TRH: variants seen among roughly 807,000 people sequenced by gnomAD.
TRH encodes TSH-releasing factor.
Under a neutral mutation model 5.2 loss-of-function variants are expected in TRH, and 5 were observed. The observed-to-expected ratio is 0.95, with a 90% CI of 0.50 to 2.00. The LOEUF (loss-of-function observed/expected upper bound fraction) is 2.00. Ranked by LOEUF, TRH falls within the 30% of genes most tolerant of loss-of-function variation. TRH has a pLI of 0.01. For missense variants in TRH, 318 were observed against 312.8 expected (o/e 1.02, Z -0.13); for synonymous variants, 131 against 128.6 (o/e 1.02, Z -0.13).
In TRH at chr3:129,976,863, T is replaced by G. The variant is rs1577288921; in HGVS notation, c.376T>G (p.Ser126Ala). Residue 126 changes from serine to alanine, a missense_variant, in exon 3 of 3, where the codon TCA (serine) becomes GCA (alanine). Physicochemically the swap from Ser to Ala is moderately conservative, Grantham distance 99. Coordinates refer to ENST00000302649, the MANE Select transcript of TRH (RefSeq NM_007117.5). The stretch of plus-strand genomic sequence containing the variant: ...CCGACGAGAAGATGAGGCTTCATGG[T>G]CAGTCGATGTAACCCAGCACAAGCG... Reference protein sequence around the residue: ...PGRREDEASWSVDVTQHKRQH... With the variant: ...PGRREDEASWAVDVTQHKRQH... 6.2e-7 allele frequency: 1 copy of G among 1,611,646 alleles called. No individual in the cohort carries two copies.
rs1028735708 is a variant in TRH at position 129,976,715 on chromosome 3, A to G, written c.228A>G (p.Gln76=). ...QGEHSASQIF[Q]SDWLSKRQHP... ...CTTCCCCAGCGTCCCAGATCTTTCA[A>G]TCTGACTGGCTCTCCAAACGTCAGC... Residue 76 remains glutamine (Q), a synonymous_variant, in exon 3 of 3, where the codon CAA becomes CAG. Coordinates refer to ENST00000302649, the MANE Select transcript of TRH (RefSeq NM_007117.5). 1.2e-6 allele frequency: 2 copies of G among 1,612,910 alleles called. No homozygotes were observed. Among genetic ancestry groups the G allele is most frequent in the African/African-American group, 2.7e-5 (2 of 74,794 alleles).
rs1045225863 is a variant in TRH at position 129,977,925 on chromosome 3, C to T, written c.*709C>T. ...GTCATCCTAATGATAATAAAACCTG[C>T]ATCCAGATAATCACGGAGCTCTGTG... On this transcript the variant is annotated 3_prime_UTR_variant, in exon 3 of 3. Coordinates refer to ENST00000302649, the MANE Select transcript of TRH (RefSeq NM_007117.5). 3.9e-5 allele frequency: 6 copies of T among 152,264 alleles called. No homozygotes were observed. The highest frequency in any genetic ancestry group is 8.8e-5 in the Non-Finnish European group (6 of 68,052). The allele number at this position is 152,264 out of a possible 1,614,324, so 9.4% of individuals were successfully genotyped here.
Position 129,975,982 on chromosome 3 carries a change from C to T in TRH, c.166C>T (p.Arg56Trp), listed in dbSNP as rs535798847. 3.1e-6 allele frequency: 5 copies of T among 1,614,152 alleles called. No individual in the cohort carries two copies. Among genetic ancestry groups the T allele is most frequent in the Admixed American group, 3.3e-5 (2 of 60,034 alleles). Reference sequence around the variant, plus strand: ...CCAGGTGGAGCGCCTCCTCTTCCTCCGGGAAAACATCCAGCGGCTGCAAGG... The same window carrying T: ...CCAGGTGGAGCGCCTCCTCTTCCTCTGGGAAAACATCCAGCGGCTGCAAGG... The part of the protein sequence containing the change: ...LRQVERLLFL[R>W]ENIQRLQGDQ... Residue 56 changes from arginine (R) to tryptophan (W), a missense_variant, in exon 2 of 3, where the codon CGG becomes TGG. Physicochemically the swap from Arg to Trp is moderately radical, Grantham distance 101 (BLOSUM62 -3). Coordinates refer to ENST00000302649, the MANE Select transcript of TRH (RefSeq NM_007117.5).
chr3:129,977,486 C>T lies in TRH; in HGVS notation c.*270C>T, dbSNP rs1037342060. 3.3e-5 allele frequency: 11 copies of T among 331,096 alleles called. No homozygotes were observed. The highest frequency in any genetic ancestry group is 2.4e-4 in the East Asian group (5 of 21,118). 20.5% of individuals were successfully genotyped at this position (331,096 alleles called of 1,614,324 possible). A position where few individuals can be genotyped will look rare whatever the true frequency, so the allele number is the denominator to read the frequency against. ...AGATCCCAGAGCCCCTCTCACCCCC[C>T]CCACCACAGGCCTGCTCCTTCCTTA... is the stretch of plus-strand genomic sequence containing the variant. On this transcript the variant is annotated 3_prime_UTR_variant, in exon 3 of 3. Coordinates refer to ENST00000302649, the MANE Select transcript of TRH (RefSeq NM_007117.5).
Position 129,977,628 on chromosome 3 carries a change from G to A in TRH, c.*412G>A. On this transcript the variant is annotated 3_prime_UTR_variant, in exon 3 of 3. Transcript: ENST00000302649. ...GACTGAAGCGTTGTGTGCAAATCCA[G>A]CTTCCATCCCCTCCCCAACCTGGCA... The A allele has an allele frequency of 6.3e-6, 1 of 157,938 alleles. No individual in the cohort carries two copies. The highest frequency in any genetic ancestry group is 1.4e-5 in the Non-Finnish European group (1 of 72,072). 9.8% of individuals were successfully genotyped at this position (157,938 alleles called of 1,614,324 possible). A position where few individuals can be genotyped will look rare whatever the true frequency, so the allele number is the denominator to read the frequency against.
rs1289928046 is a variant in TRH at position 129,977,381 on chromosome 3, T to C, written c.*165T>C. 3.3e-6 allele frequency: 3 copies of C among 917,762 alleles called. No individual in the cohort carries two copies. Among genetic ancestry groups the C allele is most frequent in the African/African-American group, 1.7e-5 (1 of 57,382 alleles). The allele number at this position is 917,762 out of a possible 1,614,324, so 56.9% of individuals were successfully genotyped here. A position where few individuals can be genotyped will look rare whatever the true frequency, so the allele number is the denominator to read the frequency against. On this transcript the variant is annotated 3_prime_UTR_variant, in exon 3 of 3. Coordinates refer to ENST00000302649, the MANE Select transcript of TRH (RefSeq NM_007117.5). ...CACATCCCAGCCCCTGGCCTTGCCC[T>C]CTTCCTTTAGGCATGTGAGAAAATC...
Position 129,976,867 on chromosome 3 carries a change from T to G in TRH, c.380T>G (p.Val127Gly). ...CGAGAAGATGAGGCTTCATGGTCAG[T>G]CGATGTAACCCAGCACAAGCGGCAG... Reference protein sequence around the residue: ...GRREDEASWSVDVTQHKRQHP... With the variant: ...GRREDEASWSGDVTQHKRQHP... The change falls in exon 3 of 3, where the codon GTC becomes GGC. Residue 127 changes from valine (V) to glycine (G), a missense_variant. Transcript: ENST00000302649. 1 of 1,613,286 alleles carries G rather than the reference T, an allele frequency of 6.2e-7. No individual in the cohort carries two copies. Among genetic ancestry groups the G allele is most frequent in the South Asian group, 1.1e-5 (1 of 91,050 alleles).
intron 2 of TRH, among the ~76,000 whole-genome samples, chr3:129,976,406 A>G (rs2062543733): frequency 6.6e-6 from 1 of 152,236 alleles, no homozygotes; most frequent in Admixed American, 6.5e-5. Flanking sequence ...TTAGTTAGGT[A>G]CTGTTATTAC....
chr3:129,974,996 A>T (rs1269707137), intron 1 of TRH, among the ~76,000 whole-genome samples, 173 bp downstream of exon 1: 1 of 151,688 alleles, frequency 6.6e-6, no homozygotes. Context: ...CAGGCCGGGG[A>T]CCCGACGGGA....
chr3:129,976,868 C>T lies in TRH; in HGVS notation c.381C>T (p.Val127=), dbSNP rs1285261978. Residue 127 remains valine, a synonymous_variant, in exon 3 of 3, where the codon GTC becomes GTT. Transcript: ENST00000302649. ...GRREDEASWS[V]DVTQHKRQHP... is the part of the protein sequence containing the mutation. Reference sequence around the variant, plus strand: ...GAGAAGATGAGGCTTCATGGTCAGTCGATGTAACCCAGCACAAGCGGCAGC... The same window carrying T: ...GAGAAGATGAGGCTTCATGGTCAGTTGATGTAACCCAGCACAAGCGGCAGC... The T allele has an allele frequency of 6.2e-6, 10 of 1,612,864 alleles. No individual in the cohort carries two copies. The highest frequency in any genetic ancestry group is 5.5e-5 in the South Asian group (5 of 91,014).
chr3:129,975,039 G>A (rs1046095261), intron 1 of TRH, among the ~76,000 whole-genome samples: 21 of 152,268 alleles, frequency 1.4e-4, no homozygotes, highest in African/African-American at 5.1e-4. Context: ...GGCTCTCGCT[G>A]CTGGGCACTC....
intron 2 of TRH, 28 bp from the exon 3 acceptor site, chr3:129,976,671 C>A: frequency 6.3e-7 from 1 of 1,594,012 alleles, no homozygotes; most frequent in Non-Finnish European, 8.6e-7. Context: ...GGGTCAGGGG[C>A]CCCTCACTGA....
intron 1 of TRH, among the ~76,000 whole-genome samples, chr3:129,975,332 G>C (rs1028398671): frequency 1.3e-5 from 2 of 152,194 alleles, no homozygotes; most frequent in African/African-American, 4.8e-5. Context: ...TGGGATCTTC[G>C]CGTTGGAATG....
chr3:129,977,496 G>C lies in TRH; in HGVS notation c.*280G>C, dbSNP rs945148804. 3 of 307,176 alleles carry C rather than the reference G, an allele frequency of 9.8e-6. No homozygotes were observed. Among genetic ancestry groups the C allele is most frequent in the Non-Finnish European group, 1.8e-5 (3 of 167,046 alleles). The allele number at this position is 307,176 out of a possible 1,614,324, so 19.0% of individuals were successfully genotyped here. A position where few individuals can be genotyped will look rare whatever the true frequency, so the allele number is the denominator to read the frequency against. ...GCCCCTCTCACCCCCCCCACCACAG[G>C]CCTGCTCCTTCCTTAGCCTTGGCTA... On this transcript the variant is annotated 3_prime_UTR_variant, in exon 3 of 3. Transcript: ENST00000302649.
In TRH at chr3:129,977,410, C is replaced by A; in HGVS notation, c.*194C>A. 1.4e-6 allele frequency: 1 copy of A among 711,368 alleles called. No individual in the cohort carries two copies. The highest frequency in any genetic ancestry group is 2.0e-6 in the Non-Finnish European group (1 of 491,236). The allele number at this position is 711,368 out of a possible 1,614,324, so 44.1% of individuals were successfully genotyped here. ...CCTTTAGGCATGTGAGAAAATCAGC[C>A]TAGCAGTTTAAACCCCACTTTCCTC... is the stretch of plus-strand genomic sequence containing the variant. On this transcript the variant is annotated 3_prime_UTR_variant, in exon 3 of 3. Coordinates refer to ENST00000302649, the MANE Select transcript of TRH (RefSeq NM_007117.5).
intron 1 of TRH, 23 bp from the exon 2 acceptor site, chr3:129,975,786 G>A (rs1223491421): frequency 6.4e-7 from 1 of 1,573,694 alleles, no homozygotes; most frequent in Non-Finnish European, 8.6e-7. Flanking sequence ...GTGCGCTCAG[G>A]CTCCCTCTGT....
At chr3:129,975,780 G>C (rs778542465) in intron 1 of TRH, 29 bp from the exon 2 acceptor site, 3 of 1,560,768 alleles carry the variant, frequency 1.9e-6, no homozygotes, top group Non-Finnish European at 2.6e-6. Flanking sequence ...GATTCGGTGC[G>C]CTCAGGCTCC....
chr3:129,977,391 G>C lies in TRH; in HGVS notation c.*175G>C. 1 of 819,508 alleles carries C rather than the reference G, an allele frequency of 1.2e-6. No individual in the cohort carries two copies. 50.8% of individuals were successfully genotyped at this position (819,508 alleles called of 1,614,324 possible). The stretch of plus-strand genomic sequence containing the variant: ...CCCCTGGCCTTGCCCTCTTCCTTTA[G>C]GCATGTGAGAAAATCAGCCTAGCAG... On this transcript the variant is annotated 3_prime_UTR_variant, in exon 3 of 3. Coordinates refer to ENST00000302649, the MANE Select transcript of TRH (RefSeq NM_007117.5).
chr3:129,975,170 T>C (rs1485547252), intron 1 of TRH, among the ~76,000 whole-genome samples: 1 of 152,150 alleles, frequency 6.6e-6, no homozygotes, highest in Non-Finnish European at 1.5e-5. Context: ...AATCCCAATC[T>C]CAACGCTAGA....
Sources: allele counts gnomAD v4.1 joint callset (sites outside exome capture counted in the v4.1 genomes callset), GRCh38; gene constraint gnomAD v4.1.1; transcripts MANE v1.5; gene names NCBI Gene and HGNC (gene_info 2026-07-23, HGNC 2026-07-21).